IQCJ: variants seen among roughly 807,000 people sequenced by gnomAD.
IQCJ encodes IQ motif containing J, also known as IQ domain-containing protein J.
IQCJ carries 9 observed loss-of-function variants against 11.0 expected under a neutral mutation model. That is an observed-to-expected ratio of 0.82 (90% CI 0.49 to 1.43). IQCJ has a LOEUF of 1.43. Among genes scored for constraint, IQCJ ranks in the 40% most tolerant of loss-of-function variants. The pLI is 0.00. For synonymous variants in IQCJ, 55 were observed against 51.3 expected (o/e 1.07, Z -0.31); for missense variants, 146 against 133.2 (o/e 1.10, Z -0.47).
chr3:159,106,523 G>A (rs1432150237), intron 1 of IQCJ, among the ~76,000 whole-genome samples: 1 of 151,966 alleles, frequency 6.6e-6, no homozygotes, highest in African/African-American at 2.4e-5. Context: ...GGTGGAGTGG[G>A]GTGGGGGAAG....
chr3:159,110,626 G>A lies in IQCJ; in HGVS notation c.9+41185G>A, dbSNP rs544666126. On this transcript the variant is annotated intron_variant, in intron 1 of 3. Transcript: ENST00000397832. The stretch of plus-strand genomic sequence containing the variant: ...CAGGACCAGTCTCCTTGTGTAGACC[G>A]TGACTGTTAGGAGGGGCCGTCTTTC... 8.0e-4 allele frequency among the ~76,000 whole-genome samples: 122 copies of A among 152,118 alleles called. 2 individuals are homozygous for A. The highest frequency in any genetic ancestry group is 4.6e-4 in the Admixed American group (7 of 15,280).
intron 1 of IQCJ, among the ~76,000 whole-genome samples, chr3:159,213,284 A>G (rs1173158152): frequency 6.6e-6 from 1 of 152,208 alleles, no homozygotes; most frequent in Non-Finnish European, 1.5e-5. Flanking sequence ...AACATAGCAG[A>G]TTAGCATTCA....
At chr3:159,115,964 A>C (rs1218110791) in intron 1 of IQCJ, among the ~76,000 whole-genome samples, 1 of 152,162 alleles carries the variant, frequency 6.6e-6, no homozygotes, top group South Asian at 2.1e-4. Context: ...AGAAATACCT[A>C]ATGTAGATGA....
At chr3:159,121,858 A>C (rs1566548) in intron 1 of IQCJ, among the ~76,000 whole-genome samples, 103,954 of 152,086 alleles carry the variant, frequency 0.68, 35,607 homozygotes, top group East Asian at 0.71. Flanking sequence ...AACCCTGCAA[A>C]AATCTGGTTC....
chr3:159,231,691 T>C (rs1426710254), intron 1 of IQCJ, among the ~76,000 whole-genome samples: 2 of 152,168 alleles, frequency 1.3e-5, no homozygotes. Flanking sequence ...TTTGGAATAG[T>C]TTCAGAAGAA....
intron 1 of IQCJ, among the ~76,000 whole-genome samples, chr3:159,091,805 A>C (rs887870165): frequency 3.3e-5 from 5 of 151,740 alleles, no homozygotes; most frequent in African/African-American, 1.2e-4. Context: ...CTTTTTAATA[A>C]AAATTTTAAA....
intron 1 of IQCJ, among the ~76,000 whole-genome samples, chr3:159,233,424 G>A (rs1040348129): frequency 7.9e-5 from 12 of 152,168 alleles, no homozygotes; most frequent in African/African-American, 2.9e-4. Flanking sequence ...AGGCCATTTG[G>A]CAAAACTGGG....
At chr3:159,149,535 G>C (rs1299318922) in intron 1 of IQCJ, among the ~76,000 whole-genome samples, 3 of 152,270 alleles carry the variant, frequency 2.0e-5, no homozygotes, top group Non-Finnish European at 4.4e-5. Context: ...TTAAGAGGCT[G>C]TTTGGGGGCT....
rs535569791 is a variant in IQCJ, at chr3:159,252,325, T to C, written c.75-402T>C. Among the ~76,000 whole-genome samples, 9 of 152,312 alleles carry C rather than the reference T, an allele frequency of 5.9e-5. No individual in the cohort carries two copies. The South Asian group carries it at 1.9e-3, about 32-fold the overall frequency. On this transcript the variant is annotated intron_variant, in intron 2 of 3. Transcript: ENST00000397832. ...GGCTTACAAATGAAAGGAGGAAAGG[T>C]CCAGTGGCAGTGGTACTACTGGGGA...
At chr3:159,251,342 G>A (rs1205119285) in intron 2 of IQCJ, among the ~76,000 whole-genome samples, 1 of 151,522 alleles carries the variant, frequency 6.6e-6, no homozygotes, top group Non-Finnish European at 1.5e-5. Context: ...TTTCTAACTA[G>A]TTTTATGTCA....
intron 1 of IQCJ, among the ~76,000 whole-genome samples, chr3:159,104,557 T>C (rs79046366): frequency 0.079 from 12,092 of 152,292 alleles, 804 homozygotes; most frequent in East Asian, 0.36. Flanking sequence ...TACTACTGCA[T>C]AGTTGCTTTG....
intron 1 of IQCJ, among the ~76,000 whole-genome samples, chr3:159,078,549 C>T (rs865990603): frequency 2.7e-5 from 4 of 150,824 alleles, no homozygotes; most frequent in Admixed American, 6.6e-5. Context: ...ACCCGCCCCC[C>T]GCCTTTTTTT....
intron 1 of IQCJ, among the ~76,000 whole-genome samples, chr3:159,086,744 T>TTGTGA (rs553297389): frequency 2.4e-3 from 372 of 152,286 alleles, no homozygotes; most frequent in Admixed American, 5.7e-3. Context: ...ATAAGAATGC[T>TTGTGA]TGTGATTTTT....
At chr3:159,108,396 A>G (rs1463011239) in intron 1 of IQCJ, among the ~76,000 whole-genome samples, 1 of 152,226 alleles carries the variant, frequency 6.6e-6, no homozygotes, top group Non-Finnish European at 1.5e-5. Flanking sequence ...GCTTAAATCT[A>G]TACTAGTTTC....
chr3:159,163,635 G>A (rs957086260), intron 1 of IQCJ, among the ~76,000 whole-genome samples: 32 of 152,280 alleles, frequency 2.1e-4, no homozygotes, highest in African/African-American at 7.0e-4. Context: ...AAAGTGCTGG[G>A]ATTACAGACT....
chr3:159,242,508 C>T (rs1726984762), intron 1 of IQCJ, among the ~76,000 whole-genome samples: 1 of 150,710 alleles, frequency 6.6e-6, no homozygotes, highest in South Asian at 2.1e-4. Context: ...GATTTCACTA[C>T]TATGATCCAG....
At chr3:159,140,349 C>G (rs544108758) in intron 1 of IQCJ, among the ~76,000 whole-genome samples, 1 of 152,116 alleles carries the variant, frequency 6.6e-6, no homozygotes, top group Non-Finnish European at 1.5e-5. Flanking sequence ...TTCAGCTGCC[C>G]CAGTAACCCC....
chr3:159,256,908 T>A (rs545573232), intron 3 of IQCJ, among the ~76,000 whole-genome samples: 2 of 152,342 alleles, frequency 1.3e-5, no homozygotes, highest in African/African-American at 4.8e-5. Flanking sequence ...GTAATTTACA[T>A]ACATTATCCT....
intron 1 of IQCJ, among the ~76,000 whole-genome samples, chr3:159,091,279 A>T (rs1717262425): frequency 6.6e-6 from 1 of 151,772 alleles, no homozygotes; most frequent in Admixed American, 6.5e-5. Flanking sequence ...TTAACAACAA[A>T]AATTATTTCT....
Sources: allele counts gnomAD v4.1 joint callset (sites outside exome capture counted in the v4.1 genomes callset), GRCh38; gene constraint gnomAD v4.1.1; transcripts MANE v1.5; gene names NCBI Gene and HGNC (gene_info 2026-07-23, HGNC 2026-07-21).